NRG1: variants seen among roughly 807,000 people sequenced by gnomAD.
The protein encoded by NRG1 is pro-neuregulin-1, membrane-bound isoform.
Under a neutral mutation model 63.8 loss-of-function variants are expected in NRG1, and 18 were observed. That is an observed-to-expected ratio of 0.28 (90% CI 0.19 to 0.42). The LOEUF is 0.42. Among genes scored for constraint, NRG1 ranks in the 10% least tolerant of loss-of-function variants. NRG1 has a pLI of 1.00. For synonymous variants in NRG1, 302 were observed against 301.3 expected (o/e 1.00, Z -0.02); for missense variants, 762 against 814.7 (o/e 0.94, Z 0.79).
chr8:31,800,341 G>T (rs1212771468), intron 1 of NRG1, among the ~76,000 whole-genome samples: 1 of 152,166 alleles, frequency 6.6e-6, no homozygotes, highest in African/African-American at 2.4e-5. Context: ...TTTTACTCTG[G>T]TCAGGTGAAA....
intron 1 of NRG1, among the ~76,000 whole-genome samples, chr8:32,129,630 G>A (rs148712291): frequency 1.8e-4 from 28 of 152,000 alleles, no homozygotes; most frequent in African/African-American, 6.5e-4. Flanking sequence ...TCTTTTGGAG[G>A]AGGATACAGG....
chr8:31,707,854 A>G (rs566624136), intron 1 of NRG1, among the ~76,000 whole-genome samples: 1 of 152,272 alleles, frequency 6.6e-6, no homozygotes, highest in South Asian at 2.1e-4. Flanking sequence ...TAGCTTCTGT[A>G]GTAAATAATT....
At chr8:31,847,076 A>G (rs1217617292) in intron 1 of NRG1, among the ~76,000 whole-genome samples, 5 of 152,248 alleles carry the variant, frequency 3.3e-5, no homozygotes, top group Admixed American at 3.3e-4. Flanking sequence ...AGGTTTGGAA[A>G]GGGCTTGAAA....
chr8:31,898,697 C>A (rs1310755519), intron 1 of NRG1, among the ~76,000 whole-genome samples: 1 of 152,114 alleles, frequency 6.6e-6, no homozygotes, highest in African/African-American at 2.4e-5. Flanking sequence ...GAGCAAAAAT[C>A]TGTCTCAAAA....
At chr8:31,854,841 C>A (rs892357100) in intron 1 of NRG1, among the ~76,000 whole-genome samples, 1 of 152,094 alleles carries the variant, frequency 6.6e-6, no homozygotes, top group African/African-American at 2.4e-5. Context: ...CAAAGAACAT[C>A]TTTATTTCTG....
At chr8:32,210,015 A>G (rs1844528728) in intron 1 of NRG1, among the ~76,000 whole-genome samples, 1 of 152,296 alleles carries the variant, frequency 6.6e-6, no homozygotes, top group East Asian at 1.9e-4. Context: ...TATCTTCTGT[A>G]AATAAATTTC....
At chr8:32,739,424 A>T (rs1229211763) in intron 6 of NRG1, among the ~76,000 whole-genome samples, 2 of 152,178 alleles carry the variant, frequency 1.3e-5, no homozygotes, top group Non-Finnish European at 2.9e-5. Flanking sequence ...GAAGACAAAC[A>T]CTAGCAAAAG....
intron 4 of NRG1, among the ~76,000 whole-genome samples, chr8:32,615,206 A>G (rs2129541624): frequency 6.6e-6 from 1 of 152,092 alleles, no homozygotes; most frequent in East Asian, 2.0e-4. Flanking sequence ...ACAAGCTATG[A>G]ATTTAATCTA....
At chr8:31,918,175 C>T (rs887084714) in intron 1 of NRG1, among the ~76,000 whole-genome samples, 1 of 152,088 alleles carries the variant, frequency 6.6e-6, no homozygotes, top group Admixed American at 6.6e-5. Flanking sequence ...TCCTCTTTTC[C>T]TAATTGAATA....
At chr8:32,271,094 A>G (rs1851498528) in intron 1 of NRG1, among the ~76,000 whole-genome samples, 1 of 152,104 alleles carries the variant, frequency 6.6e-6, no homozygotes, top group African/African-American at 2.4e-5. Flanking sequence ...CCTCTTGTCA[A>G]AATCTCACTT....
rs546847146 is a variant in NRG1 at position 31,958,920 on chromosome 8, G to A, written c.37+319489G>A. Among the ~76,000 whole-genome samples the A allele has an allele frequency of 7.2e-5, 11 of 152,244 alleles. No homozygotes were observed. In the South Asian group the frequency reaches 8.3e-4, roughly 11 times the overall value. ...TATTTCGTTCCCTGCAATTAAAAAC[G>A]TCTGTGGGACAACAGGATTTCAAGT... is the stretch of plus-strand genomic sequence containing the variant. On this transcript the variant is annotated intron_variant, in intron 1 of 10. Transcript: ENST00000519301.
chr8:31,962,552 T>A (rs1805629992), intron 1 of NRG1, among the ~76,000 whole-genome samples: 1 of 152,186 alleles, frequency 6.6e-6, no homozygotes, highest in South Asian at 2.1e-4. Flanking sequence ...AAGTATGGAA[T>A]AAAATGACCT....
At chr8:32,098,421 A>G (rs1264124133) in intron 1 of NRG1, among the ~76,000 whole-genome samples, 1 of 152,216 alleles carries the variant, frequency 6.6e-6, no homozygotes, top group African/African-American at 2.4e-5. Flanking sequence ...AAGGTCTCAG[A>G]AATAACGGCT....
At chr8:31,746,687 T>C (rs1815906511) in intron 1 of NRG1, among the ~76,000 whole-genome samples, 1 of 151,948 alleles carries the variant, frequency 6.6e-6, no homozygotes, top group South Asian at 2.1e-4. Flanking sequence ...AATCAGTATA[T>C]CAAAGAGGTA....
chr8:31,789,796 G>T (rs1211118438), intron 1 of NRG1, among the ~76,000 whole-genome samples: 1 of 152,068 alleles, frequency 6.6e-6, no homozygotes, highest in Non-Finnish European at 1.5e-5. Context: ...ATCACTTAAT[G>T]AATTTATGTT....
At chr8:32,132,788 C>T (rs1193173522) in intron 1 of NRG1, among the ~76,000 whole-genome samples, 5 of 152,178 alleles carry the variant, frequency 3.3e-5, no homozygotes, top group Non-Finnish European at 5.9e-5. Context: ...ATAGAGAATT[C>T]GCTTCCTGTT....
intron 1 of NRG1, among the ~76,000 whole-genome samples, chr8:31,649,893 C>A (rs1200733812): frequency 6.6e-6 from 1 of 152,182 alleles, no homozygotes; most frequent in Non-Finnish European, 1.5e-5. Flanking sequence ...TCTACCCCAG[C>A]AATTTCCCTG....
At chr8:32,503,578 A>AT (rs780177475) in intron 1 of NRG1, among the ~76,000 whole-genome samples, 71 of 152,292 alleles carry the variant, frequency 4.7e-4, no homozygotes, top group Non-Finnish European at 8.2e-4. Context: ...CTCAGTAGTT[A>AT]TAATGTTAGT....
chr8:32,033,244 A>G (rs11787429), intron 1 of NRG1, among the ~76,000 whole-genome samples: 77,083 of 151,526 alleles, frequency 0.51, 21,153 homozygotes, highest in African/African-American at 0.71. Flanking sequence ...ACAGGCACCC[A>G]CCACCATGCC....
Sources: gnomAD v4.1 joint callset for allele counts (sites outside exome capture counted in the v4.1 genomes callset) on GRCh38, gnomAD v4.1.1 for gene constraint, MANE v1.5 for transcripts, NCBI Gene and HGNC (gene_info 2026-07-23, HGNC 2026-07-21) for gene names.